The following CCDC7 variants were observed in gnomAD, a reference collection of about 807,000 sequenced individuals.
CCDC7 encodes the protein coiled-coil domain-containing protein 7.
A neutral mutation model predicts 196.9 loss-of-function variants in CCDC7; 183 were observed. That is an observed-to-expected ratio of 0.93 (90% CI 0.82 to 1.05). The LOEUF (loss-of-function observed/expected upper bound fraction) is 1.05, where lower values mean the gene tolerates loss of function less well. CCDC7 is among the 50% of genes least tolerant of loss of function. The pLI, the probability that CCDC7 is intolerant of heterozygous loss-of-function variation, is 0.00. For synonymous variants in CCDC7, 525 were observed against 484.6 expected (o/e 1.08, Z -1.10); for missense variants, 1,540 against 1,482.2 (o/e 1.04, Z -0.64).
chr10:32,689,191 A>T (rs1480162513), intron 23 of CCDC7, 28 bp downstream of exon 24: 2 of 1,359,680 alleles, frequency 1.5e-6, no homozygotes, highest in Admixed American at 2.2e-5. Context: ...AGATAACTTT[A>T]AATTATTTAA....
At chr10:32,723,532 TATC>T (rs1313915207) in intron 25 of CCDC7, among the ~76,000 whole-genome samples, 1 of 152,122 alleles carries the variant, frequency 6.6e-6, no homozygotes, top group African/African-American at 2.4e-5. Context: ...TCAAGGAACT[TATC>T]ATGTTGGATC....
chr10:32,488,919 G>T (rs988211730), intron 8 of CCDC7, among the ~76,000 whole-genome samples: 1 of 152,188 alleles, frequency 6.6e-6, no homozygotes, highest in African/African-American at 2.4e-5. Flanking sequence ...ATCCAGTGAG[G>T]TTGTGGCAGT....
chr10:32,639,962 TGTGTGGTCAGTTTTGGAATAA>T (rs1375250425), intron 20 of CCDC7, among the ~76,000 whole-genome samples: 3 of 152,176 alleles, frequency 2.0e-5, no homozygotes, highest in Non-Finnish European at 4.4e-5. Context: ...TACTTGCAAC[TGTGTGGTCAGTTTTGGAATAA>T]GTGTGGTGTG....
intron 34 of CCDC7, 33 bp downstream of exon 35, chr10:32,845,359 A>G: frequency 6.9e-7 from 1 of 1,446,080 alleles, no homozygotes; most frequent in South Asian, 1.2e-5. Flanking sequence ...TCTAATATTT[A>G]TGGCTGATTG....
intron 17 of CCDC7, 60 bp from the exon 19 acceptor site, chr10:32,584,172 C>T: frequency 2.5e-6 from 2 of 809,632 alleles, no homozygotes; most frequent in Non-Finnish European, 3.5e-6. Context: ...AAATACCAGT[C>T]TTGATATATA....
At position 32,518,579 on chromosome 10, in the gene CCDC7, G is replaced by T. The variant is rs1025960089; in HGVS notation, c.993+74G>T. On this transcript the variant is annotated intron_variant, in intron 11 of 41. Coordinates refer to ENST00000639629, the Ensembl canonical transcript of CCDC7. ...ATTATGTTAGGATAGAAATCAAAGA[G>T]CTATTTAAATGTTATATAATATGTT... The T allele has an allele frequency of 1.3e-5, 16 of 1,207,688 alleles. No homozygotes were observed. The African/African-American group carries it at 2.2e-4, about 17-fold the overall frequency. 74.8% of individuals were successfully genotyped at this position (1,207,688 alleles called of 1,614,324 possible).
intron 20 of CCDC7, among the ~76,000 whole-genome samples, chr10:32,659,087 T>C (rs1277474578): frequency 1.3e-5 from 2 of 152,136 alleles, no homozygotes; most frequent in East Asian, 3.8e-4. Flanking sequence ...GTGGACTTAG[T>C]TTGCTCTTTG....
rs71027102 is a variant in CCDC7, at chr10:32,673,654, CGT to C, written c.2122+9526_2122+9527del. Among the ~76,000 whole-genome samples, 1,182 of 148,036 alleles carry C rather than the reference CGT, an allele frequency of 8.0e-3. 7 individuals carry two copies. Among genetic ancestry groups the C allele is most frequent in the South Asian group, 0.025 (119 of 4,692 alleles). Reference sequence around the variant, plus strand: ...ATTTATTAGTTCTAACCATTGTGCACGTGTGTGTGTGTGTGTGTGTGTGTGTG... The same window carrying C: ...ATTTATTAGTTCTAACCATTGTGCACGTGTGTGTGTGTGTGTGTGTGTGTG... On this transcript the variant is annotated intron_variant, in intron 21 of 41. Transcript: ENST00000639629.
chr10:32,730,457 T>A (rs1251183317), intron 28 of CCDC7, among the ~76,000 whole-genome samples: 27 of 152,050 alleles, frequency 1.8e-4, no homozygotes, highest in Admixed American at 1.8e-3. Context: ...ACCAAAAATT[T>A]TAAGCTTTAC....
At chr10:32,710,279 T>A (rs984764350) in intron 24 of CCDC7, among the ~76,000 whole-genome samples, 8 of 152,344 alleles carry the variant, frequency 5.3e-5, no homozygotes, top group South Asian at 4.1e-4. Flanking sequence ...ATTCGTTTTA[T>A]TTAAACCATG....
Position 32,590,278 on chromosome 10 carries a change from C to A in CCDC7, c.1801+5974C>A, listed in dbSNP as rs565489613. Among the ~76,000 whole-genome samples, 25 of 152,014 alleles carry A rather than the reference C, an allele frequency of 1.6e-4. No individual in the cohort carries two copies. In the South Asian group the frequency reaches 5.2e-3, roughly 32 times the overall value. Reference sequence around the variant, plus strand: ...ACCATGAGGCTTGCAAATCATATAACCCATTATTTTAAACTGATGATAACT... The same window carrying A: ...ACCATGAGGCTTGCAAATCATATAAACCATTATTTTAAACTGATGATAACT... On this transcript the variant is annotated intron_variant, in intron 18 of 41. Transcript: ENST00000639629.
At position 32,848,730 on chromosome 10, in the gene CCDC7, T is replaced by C. The variant is rs201334044; in HGVS notation, c.3895+12T>C. 2.0e-6 allele frequency: 3 copies of C among 1,509,070 alleles called. No homozygotes were observed. Among genetic ancestry groups the C allele is most frequent in the East Asian group, 2.3e-5 (1 of 44,162 alleles). The allele number at this position is 1,509,070 out of a possible 1,614,324, so 93.5% of individuals were successfully genotyped here. A position where few individuals can be genotyped will look rare whatever the true frequency, so the allele number is the denominator to read the frequency against. The stretch of plus-strand genomic sequence containing the variant: ...CTTTGAAAATAAAGGTAAAGAATTA[T>C]GTATGTAGATATGAATTCAGTATCT... On this transcript the variant is annotated intron_variant, in intron 39 of 41. Transcript: ENST00000639629.
chr10:32,820,766 T>G (rs2090003148), intron 31 of CCDC7, among the ~76,000 whole-genome samples: 1 of 152,192 alleles, frequency 6.6e-6, no homozygotes, highest in South Asian at 2.1e-4. Flanking sequence ...TAGCCATATG[T>G]AGAAAGCTGA....
At chr10:32,614,882 A>G (rs563470690) in intron 18 of CCDC7, among the ~76,000 whole-genome samples, 1 of 152,320 alleles carries the variant, frequency 6.6e-6, no homozygotes, top group East Asian at 1.9e-4. Flanking sequence ...CTTATAAGTG[A>G]GAACATGCAG....
intron 18 of CCDC7, among the ~76,000 whole-genome samples, chr10:32,621,614 A>G (rs1196150211): frequency 6.6e-6 from 1 of 152,178 alleles, no homozygotes; most frequent in East Asian, 1.9e-4. Context: ...AAGGCCTGAG[A>G]ACCAGAGGTG....
intron 29 of CCDC7, among the ~76,000 whole-genome samples, chr10:32,789,142 A>G (rs2082307205): frequency 1.3e-5 from 2 of 148,650 alleles, no homozygotes; most frequent in Non-Finnish European, 3.0e-5. Flanking sequence ...AGACTGGAAT[A>G]AGTGCCTACT....
At chr10:32,638,543 T>A (rs190003182) in intron 20 of CCDC7, among the ~76,000 whole-genome samples, 2 of 152,306 alleles carry the variant, frequency 1.3e-5, no homozygotes, top group African/African-American at 4.8e-5. Context: ...TATTGATTTG[T>A]GTATGTTGAA....
chr10:32,488,712 T>G (rs1330342956), intron 8 of CCDC7, among the ~76,000 whole-genome samples: 1 of 152,234 alleles, frequency 6.6e-6, no homozygotes, highest in African/African-American at 2.4e-5. Context: ...TCGTGTATTG[T>G]TTTTCTGATT....
chr10:32,460,154 AAAT>A (rs1032366316), intron 3 of CCDC7, among the ~76,000 whole-genome samples: 2 of 152,200 alleles, frequency 1.3e-5, no homozygotes, highest in African/African-American at 4.8e-5. Context: ...CTCTGTATAT[AAAT>A]AATTCATAAA....
Sources: allele counts gnomAD v4.1 joint callset (sites outside exome capture counted in the v4.1 genomes callset), GRCh38; gene constraint gnomAD v4.1.1; transcripts MANE v1.5; gene names NCBI Gene and HGNC (gene_info 2026-07-23, HGNC 2026-07-21).